IMMP2L: variants seen among roughly 807,000 people sequenced by gnomAD.
The protein encoded by IMMP2L is inner mitochondrial membrane peptidase subunit 2.
A neutral mutation model predicts 19.3 loss-of-function variants in IMMP2L; 18 were observed. That is an observed-to-expected ratio of 0.93 (90% confidence interval 0.64 to 1.38). The LOEUF is 1.38. IMMP2L is among the 40% of genes most tolerant of loss of function. IMMP2L has a pLI of 0.00. For missense variants in IMMP2L, 233 were observed against 218.2 expected (o/e 1.07, Z -0.43); for synonymous variants, 76 against 73.0 (o/e 1.04, Z -0.21).
At chr7:111,164,279 C>T (rs1330361482) in intron 3 of IMMP2L, among the ~76,000 whole-genome samples, 1 of 152,044 alleles carries the variant, frequency 6.6e-6, no homozygotes, top group East Asian at 1.9e-4. Context: ...CAACCTATTG[C>T]AGGGAGTGCT....
chr7:111,128,644 G>C lies in IMMP2L; in HGVS notation c.240-165079C>G, dbSNP rs958625829. Among the ~76,000 whole-genome samples the C allele has an allele frequency of 2.6e-5, 4 of 152,218 alleles. No homozygotes were observed. The South Asian group carries it at 8.3e-4, about 32-fold the overall frequency. On this transcript the variant is annotated intron_variant, in intron 3 of 5. Transcript: ENST00000405709. The stretch of plus-strand genomic sequence containing the variant: ...GATCAAGACCATCCTGGCCAACATG[G>C]TGAAACTCCGTCTCTACTAAAAATA...
At chr7:110,768,307 G>T (rs1186995159) in intron 5 of IMMP2L, among the ~76,000 whole-genome samples, 1 of 102,402 alleles carries the variant, frequency 9.8e-6, no homozygotes, top group Non-Finnish European at 2.0e-5. Flanking sequence ...AGAAAAGAAA[G>T]GAAAAAAAAA....
intron 3 of IMMP2L, among the ~76,000 whole-genome samples, chr7:111,417,430 T>C (rs1415947777): frequency 2.0e-5 from 3 of 151,716 alleles, no homozygotes; most frequent in African/African-American, 7.3e-5. Context: ...TATATGTAAG[T>C]GGTTCTTGGT....
intron 3 of IMMP2L, among the ~76,000 whole-genome samples, chr7:111,347,673 A>G (rs757403155): frequency 6.6e-6 from 1 of 151,996 alleles, no homozygotes; most frequent in Non-Finnish European, 1.5e-5. Flanking sequence ...ATCAGCTCCA[A>G]GGAGGTTGGG....
intron 3 of IMMP2L, among the ~76,000 whole-genome samples, chr7:111,471,042 G>T (rs569443095): frequency 6.6e-6 from 1 of 152,108 alleles, no homozygotes. Flanking sequence ...GCTAAGAGAT[G>T]AAGAAACATT....
At chr7:110,776,691 G>T (rs1799409942) in intron 5 of IMMP2L, among the ~76,000 whole-genome samples, 2 of 152,088 alleles carry the variant, frequency 1.3e-5, no homozygotes, top group South Asian at 4.1e-4. Context: ...TTAAAATGGG[G>T]AAGAGATCTA....
intron 5 of IMMP2L, among the ~76,000 whole-genome samples, chr7:110,684,306 G>C (rs530735778): frequency 2.0e-5 from 3 of 152,108 alleles, no homozygotes; most frequent in Admixed American, 6.6e-5. Context: ...TTTTTCGTAT[G>C]TTGATTATGT....
rs1356774002 is a variant in IMMP2L, at chr7:110,665,046, C to T, written c.409-1325G>A. The T allele has an allele frequency of 5.3e-5, 8 of 152,260 alleles. No individual in the cohort carries two copies. In the East Asian group the frequency reaches 1.2e-3, roughly 22 times the overall value. The allele number at this position is 152,260 out of a possible 1,614,324, so 9.4% of individuals were successfully genotyped here. A position where few individuals can be genotyped will look rare whatever the true frequency, so the allele number is the denominator to read the frequency against. ...AAGATAATCAAAAACACATTGTTTA[C>T]ACAGAAGAAGAAGAAGAAAAATCTT... On this transcript the variant is annotated intron_variant, in intron 5 of 5. Transcript: ENST00000405709.
At chr7:110,927,270 G>A (rs140226428) in intron 4 of IMMP2L, among the ~76,000 whole-genome samples, 27 of 152,142 alleles carry the variant, frequency 1.8e-4, no homozygotes, top group East Asian at 1.2e-3. Context: ...TACCTGAGCC[G>A]TATAGACATA....
At chr7:110,904,437 A>C (rs943899957) in intron 4 of IMMP2L, among the ~76,000 whole-genome samples, 4 of 152,162 alleles carry the variant, frequency 2.6e-5, no homozygotes, top group African/African-American at 9.6e-5. Flanking sequence ...TGTATGGTAC[A>C]AGATAAGGGC....
intron 5 of IMMP2L, among the ~76,000 whole-genome samples, chr7:110,838,994 A>T (rs1353054162): frequency 2.0e-5 from 3 of 152,120 alleles, no homozygotes; most frequent in Admixed American, 2.0e-4. Context: ...TATTAATATG[A>T]TAATAACAGC....
At chr7:111,352,535 C>T (rs1342338539) in intron 3 of IMMP2L, among the ~76,000 whole-genome samples, 1 of 151,996 alleles carries the variant, frequency 6.6e-6, no homozygotes, top group Non-Finnish European at 1.5e-5. Context: ...TAGAACTTAC[C>T]TCCTCTCTCT....
chr7:110,697,872 G>A (rs564472043), intron 5 of IMMP2L, among the ~76,000 whole-genome samples: 1 of 152,200 alleles, frequency 6.6e-6, no homozygotes, highest in Non-Finnish European at 1.5e-5. Context: ...CACATTATTT[G>A]GAAGGAAATG....
chr7:111,355,637 T>C (rs1033136752), intron 3 of IMMP2L, among the ~76,000 whole-genome samples: 11 of 151,922 alleles, frequency 7.2e-5, no homozygotes, highest in Admixed American at 3.3e-4. Flanking sequence ...AAAAACCTTC[T>C]GGTCACTCAT....
intron 2 of IMMP2L, among the ~76,000 whole-genome samples, chr7:111,502,212 A>G (rs527747654): frequency 6.6e-6 from 1 of 151,948 alleles, no homozygotes; most frequent in East Asian, 1.9e-4. Context: ...AAAGATCAAA[A>G]GAGACAAAGA....
chr7:111,443,372 T>C (rs1012874978), intron 3 of IMMP2L, among the ~76,000 whole-genome samples: 3 of 152,132 alleles, frequency 2.0e-5, no homozygotes, highest in Admixed American at 1.3e-4. Context: ...ACGACCACTG[T>C]CTTAAGAGAA....
At chr7:111,251,388 A>C (rs202033795) in intron 3 of IMMP2L, among the ~76,000 whole-genome samples, 1 of 152,124 alleles carries the variant, frequency 6.6e-6, no homozygotes. Context: ...TTGACCCAGC[A>C]ATCCCATTAC....
intron 3 of IMMP2L, among the ~76,000 whole-genome samples, chr7:111,441,991 G>A (rs1585113180): frequency 6.6e-6 from 1 of 151,630 alleles, no homozygotes; most frequent in Non-Finnish European, 1.5e-5. Flanking sequence ...ACAAAAATTA[G>A]CTGGGTGTGG....
intron 3 of IMMP2L, among the ~76,000 whole-genome samples, chr7:111,239,462 T>C (rs1294199008): frequency 3.3e-5 from 5 of 151,882 alleles, no homozygotes; most frequent in Non-Finnish European, 7.4e-5. Context: ...GTGCACGAAT[T>C]ATAAACACCT....
Sources: gnomAD v4.1 joint callset for allele counts (sites outside exome capture counted in the v4.1 genomes callset) on GRCh38, gnomAD v4.1.1 for gene constraint, MANE v1.5 for transcripts, NCBI Gene and HGNC (gene_info 2026-07-23, HGNC 2026-07-21) for gene names.